GRIK2: variants seen among roughly 807,000 people sequenced by gnomAD.
GRIK2 encodes the protein glutamate receptor ionotropic, kainate 2.
In GRIK2, 32 loss-of-function variants were observed where a neutral mutation model predicts 100.3. The observed-to-expected ratio is 0.32, with a 90% confidence interval of 0.24 to 0.43. GRIK2 has a LOEUF of 0.43. Among genes scored for constraint, GRIK2 ranks in the 20% least tolerant of loss-of-function variants. GRIK2 has a pLI of 1.00. For missense variants in GRIK2, 843 were observed against 1,114.9 expected (o/e 0.76, Z 3.47); for synonymous variants, 417 against 389.4 (o/e 1.07, Z -0.83).
At chr6:102,054,006 CT>C (rs1339322415) in intron 15 of GRIK2, among the ~76,000 whole-genome samples, 1 of 152,118 alleles carries the variant, frequency 6.6e-6, no homozygotes, top group East Asian at 1.9e-4. Flanking sequence ...AGAAATTCCC[CT>C]AATATACTTA....
chr6:101,661,382 T>C (rs188185678), intron 4 of GRIK2, among the ~76,000 whole-genome samples: 1 of 152,002 alleles, frequency 6.6e-6, no homozygotes, highest in East Asian at 2.0e-4. Flanking sequence ...AGCAAGAATT[T>C]CAAGCCAGTG....
At chr6:101,577,766 T>G (rs1051599814) in intron 2 of GRIK2, among the ~76,000 whole-genome samples, 1 of 152,096 alleles carries the variant, frequency 6.6e-6, no homozygotes, top group Non-Finnish European at 1.5e-5. Flanking sequence ...TTACATTGCG[T>G]GAATCTTAGG....
chr6:101,661,618 A>T (rs1769620282), intron 4 of GRIK2, among the ~76,000 whole-genome samples: 1 of 151,998 alleles, frequency 6.6e-6, no homozygotes, highest in South Asian at 2.1e-4. Flanking sequence ...GAACCTGAGG[A>T]ATCTCCTGGT....
intron 2 of GRIK2, among the ~76,000 whole-genome samples, chr6:101,582,788 C>G (rs1388089704): frequency 6.6e-6 from 1 of 152,064 alleles, no homozygotes; most frequent in African/African-American, 2.4e-5. Flanking sequence ...CTGTATAGTT[C>G]ACATACAATT....
chr6:101,475,443 G>T (rs1033862013), intron 2 of GRIK2, among the ~76,000 whole-genome samples: 1 of 151,952 alleles, frequency 6.6e-6, no homozygotes, highest in Non-Finnish European at 1.5e-5. Context: ...CTAATAAAAA[G>T]TTGTTTAGTA....
chr6:101,436,671 TG>T (rs1186501478), intron 2 of GRIK2, among the ~76,000 whole-genome samples: 1 of 152,004 alleles, frequency 6.6e-6, no homozygotes, highest in African/African-American at 2.4e-5. Context: ...GTTCATTTTA[TG>T]TATAAATCTT....
Position 101,866,214 on chromosome 6 carries a change from C to T in GRIK2, c.1524+6721C>T, listed in dbSNP as rs375798813. Among the ~76,000 whole-genome samples, 8 of 152,236 alleles carry T rather than the reference C, an allele frequency of 5.3e-5. No individual in the cohort carries two copies. The East Asian group carries it at 1.5e-3, about 29-fold the overall frequency. On this transcript the variant is annotated intron_variant, in intron 11 of 16. Coordinates refer to ENST00000369134, the MANE Select transcript of GRIK2 (RefSeq NM_021956.5). The stretch of plus-strand genomic sequence containing the variant: ...ACATCAGTCATAAAATATAAAACTA[C>T]ATTTTCCTCATCCCTCTCCAGGTGT...
At chr6:101,748,507 T>C (rs1776586257) in intron 7 of GRIK2, among the ~76,000 whole-genome samples, 1 of 152,120 alleles carries the variant, frequency 6.6e-6, no homozygotes, top group Non-Finnish European at 1.5e-5. Context: ...AAATGGTTGA[T>C]ATTTATAATT....
chr6:101,947,307 G>C (rs1791341479), intron 14 of GRIK2, among the ~76,000 whole-genome samples: 1 of 151,900 alleles, frequency 6.6e-6, no homozygotes, highest in African/African-American at 2.4e-5. Context: ...TTTTTAATGA[G>C]GGAAATATTA....
intron 2 of GRIK2, among the ~76,000 whole-genome samples, chr6:101,474,923 A>G (rs1016668907): frequency 7.2e-5 from 11 of 152,058 alleles, no homozygotes; most frequent in African/African-American, 2.6e-4. Flanking sequence ...GTAAATCTTT[A>G]CATCAGTGAT....
chr6:101,539,460 A>T (rs1775880993), intron 2 of GRIK2, among the ~76,000 whole-genome samples: 2 of 151,778 alleles, frequency 1.3e-5, no homozygotes, highest in Non-Finnish European at 1.5e-5. Flanking sequence ...AAATCAGAAA[A>T]TTGAGTATTT....
intron 2 of GRIK2, among the ~76,000 whole-genome samples, chr6:101,553,495 T>G (rs1285463357): frequency 6.6e-6 from 1 of 152,224 alleles, no homozygotes; most frequent in African/African-American, 2.4e-5. Context: ...AGATATCTAA[T>G]GAATGATTGA....
At chr6:102,065,893 T>C (rs780218940) in intron 16 of GRIK2, 2 of 1,441,598 alleles carry the variant, frequency 1.4e-6, no homozygotes, top group Non-Finnish European at 1.8e-6. Flanking sequence ...ATCTTCATCA[T>C]CATTATCATC....
At chr6:101,489,655 A>G (rs1773004166) in intron 2 of GRIK2, among the ~76,000 whole-genome samples, 1 of 145,984 alleles carries the variant, frequency 6.9e-6, no homozygotes, top group Admixed American at 6.8e-5. Flanking sequence ...ATGACTATCC[A>G]GGTTTATCCA....
intron 14 of GRIK2, among the ~76,000 whole-genome samples, chr6:101,996,670 A>G (rs1349366317): frequency 2.6e-5 from 4 of 152,096 alleles, no homozygotes; most frequent in Non-Finnish European, 5.9e-5. Context: ...GCATCTGCTT[A>G]TGTCTTAATC....
chr6:101,738,420 A>G (rs907485209), intron 7 of GRIK2, among the ~76,000 whole-genome samples: 2 of 152,174 alleles, frequency 1.3e-5, no homozygotes, highest in African/African-American at 4.8e-5. Flanking sequence ...TTACAATGTC[A>G]ACTTTTGCCT....
chr6:101,920,701 G>A (rs1184412867), intron 12 of GRIK2, among the ~76,000 whole-genome samples: 4 of 146,924 alleles, frequency 2.7e-5, no homozygotes, highest in East Asian at 2.0e-4. Context: ...GACAATATGA[G>A]CAAAGAAATG....
At chr6:101,898,238 A>T (rs1787604928) in intron 12 of GRIK2, among the ~76,000 whole-genome samples, 1 of 151,830 alleles carries the variant, frequency 6.6e-6, no homozygotes, top group South Asian at 2.1e-4. Context: ...TTTAATTTTA[A>T]CTTATTATGA....
At chr6:101,561,218 A>C (rs1389850894) in intron 2 of GRIK2, among the ~76,000 whole-genome samples, 1 of 152,180 alleles carries the variant, frequency 6.6e-6, no homozygotes, top group East Asian at 1.9e-4. Flanking sequence ...CATTTAAGAA[A>C]GGTGACATTC....
Sources: allele counts gnomAD v4.1 joint callset (sites outside exome capture counted in the v4.1 genomes callset), GRCh38; gene constraint gnomAD v4.1.1; transcripts MANE v1.5; gene names NCBI Gene and HGNC (gene_info 2026-07-23, HGNC 2026-07-21).